The following KAZN variants were observed in gnomAD, a reference collection of about 807,000 sequenced individuals.
KAZN encodes the protein kazrin, periplakin interacting protein.
KAZN carries 40 observed loss-of-function variants against 87.4 expected under a neutral mutation model. The ratio of observed to expected loss-of-function variants is 0.46; its 90% CI spans 0.36 to 0.60. The LOEUF is 0.60. KAZN is among the 20% of genes least tolerant of loss of function. The pLI, the probability that KAZN is intolerant of heterozygous loss-of-function variation, is 0.00. For synonymous variants in KAZN, 466 were observed against 458.3 expected, an observed-to-expected ratio of 1.02 and a Z score of -0.22; for missense variants, 898 against 1,073.9, an observed-to-expected ratio of 0.84 and a Z score of 2.29.
chr1:14,405,606 ATGTGTGTGTGTG>A (rs111850452), intron 2 of KAZN, among the ~76,000 whole-genome samples: 78 of 136,326 alleles, frequency 5.7e-4, no homozygotes, highest in East Asian at 4.6e-3. Flanking sequence ...ACCCAATAAA[ATGTGTGTGTGTG>A]TGTGTGTGTG....
chr1:15,113,523 T>C (rs548341065), intron 14 of KAZN: 1 of 152,350 alleles, frequency 6.6e-6, no homozygotes, highest in African/African-American at 2.4e-5. Flanking sequence ...CTAATGTGAC[T>C]ACTTTAACAC....
intron 2 of KAZN, among the ~76,000 whole-genome samples, chr1:14,566,618 A>G (rs1674565043): frequency 6.6e-6 from 1 of 152,264 alleles, no homozygotes; most frequent in Non-Finnish European, 1.5e-5. Flanking sequence ...TTTCATCTAC[A>G]CTGAAAATCT....
At chr1:14,430,502 T>C (rs72870870) in intron 2 of KAZN, among the ~76,000 whole-genome samples, 345 of 152,350 alleles carry the variant, frequency 2.3e-3, no homozygotes, top group African/African-American at 8.1e-3. Context: ...ACATCTTTTA[T>C]GCACGATATG....
intron 2 of KAZN, among the ~76,000 whole-genome samples, chr1:14,208,687 T>C (rs1646792467): frequency 6.6e-6 from 1 of 152,218 alleles, no homozygotes; most frequent in Non-Finnish European, 1.5e-5. Flanking sequence ...ATCCTGAGAA[T>C]AATGCTGCAG....
At chr1:14,945,034 C>T (rs968246911) in intron 1 of KAZN, among the ~76,000 whole-genome samples, 3 of 152,200 alleles carry the variant, frequency 2.0e-5, no homozygotes, top group Admixed American at 6.5e-5. Context: ...CCAGGCTGCA[C>T]GGAGGCTCAT....
intron 2 of KAZN, among the ~76,000 whole-genome samples, chr1:14,965,012 T>C (rs1226431206): frequency 6.6e-6 from 1 of 152,028 alleles, no homozygotes. Context: ...AATGATTGTT[T>C]AAGACATATA....
chr1:15,112,363 GTGTGTGTGTGTCT>G (rs1641665761), intron 13 of KAZN, 51 bp from the exon 14 acceptor site: 2 of 731,312 alleles, frequency 2.7e-6, no homozygotes, highest in African/African-American at 3.8e-5. Flanking sequence ...GTGTGTGTGT[GTGTGTGTGTGTCT>G]GGGGAGCTGA....
At chr1:14,137,550 T>C (rs1645134158) in intron 1 of KAZN, among the ~76,000 whole-genome samples, 1 of 152,168 alleles carries the variant, frequency 6.6e-6, no homozygotes, top group Non-Finnish European at 1.5e-5. Context: ...GGCAAGTTGC[T>C]TAAACCTCTG....
chr1:14,459,176 C>A (rs1488585077), intron 2 of KAZN, among the ~76,000 whole-genome samples: 1 of 152,068 alleles, frequency 6.6e-6, no homozygotes, highest in East Asian at 1.9e-4. Flanking sequence ...TCTTCATATA[C>A]TTTGCCATTT....
chr1:15,103,371 C>G lies in KAZN; in HGVS notation c.1792C>G (p.Arg598Gly). The change falls in exon 12 of 15, where the codon CGC becomes GGC. Residue 598 changes from arginine to glycine, a missense_variant. This residue lies in a region of KAZN where 521 missense variants were observed against 689.4 expected (regional missense o/e 0.76). Coordinates refer to ENST00000376030, the MANE Select transcript of KAZN (RefSeq NM_201628.3). Reference protein sequence around the residue: ...VNFSREALQERRARCETQNID... With the variant: ...VNFSREALQEGRARCETQNID... The stretch of plus-strand genomic sequence containing the variant: ...GTCTCCCCACAAGGCCCTCCAGGAG[C>G]GCCGGGCCCGCTGCGAGACGCAGAA... 1 of 1,551,446 alleles carries G rather than the reference C, an allele frequency of 6.4e-7. No homozygotes were observed. The highest frequency in any genetic ancestry group is 8.7e-7 in the Non-Finnish European group (1 of 1,146,916).
At chr1:14,252,913 A>G (rs1650177569) in intron 2 of KAZN, among the ~76,000 whole-genome samples, 1 of 152,128 alleles carries the variant, frequency 6.6e-6, no homozygotes, top group Non-Finnish European at 1.5e-5. Context: ...CTAGGCCCTC[A>G]GGGTGTACCA....
intron 1 of KAZN, among the ~76,000 whole-genome samples, chr1:14,648,425 C>T (rs903536605): frequency 2.6e-5 from 4 of 152,066 alleles, no homozygotes; most frequent in Admixed American, 1.3e-4. Context: ...TAGTGAGCAT[C>T]GATTCTTTGA....
chr1:14,686,680 C>T (rs568236745), intron 1 of KAZN, among the ~76,000 whole-genome samples: 2 of 152,312 alleles, frequency 1.3e-5, no homozygotes, highest in African/African-American at 4.8e-5. Context: ...TCGGGTGTAG[C>T]GGGAAGCCCA....
At chr1:14,963,788 A>G (rs1023084053) in intron 2 of KAZN, among the ~76,000 whole-genome samples, 1 of 150,972 alleles carries the variant, frequency 6.6e-6, no homozygotes, top group Non-Finnish European at 1.5e-5. Flanking sequence ...CTTGCCCCCT[A>G]CTGCCCAACA....
chr1:14,974,144 G>T (rs972339894), intron 2 of KAZN, among the ~76,000 whole-genome samples: 7 of 151,554 alleles, frequency 4.6e-5, no homozygotes, highest in African/African-American at 1.7e-4. Context: ...GTACATGGAT[G>T]CTAAGGGCTC....
intron 2 of KAZN, among the ~76,000 whole-genome samples, chr1:14,972,704 G>A (rs368817411): frequency 2.0e-5 from 3 of 151,812 alleles, no homozygotes; most frequent in South Asian, 2.1e-4. Context: ...TAGTAGAGAC[G>A]GGGTTTCACC....
intron 4 of KAZN, among the ~76,000 whole-genome samples, chr1:15,049,017 C>T (rs1425813621): frequency 6.6e-6 from 1 of 152,232 alleles, no homozygotes; most frequent in African/African-American, 2.4e-5. Flanking sequence ...TCTTCATGCG[C>T]AGTCACTCCA....
At chr1:14,039,779 G>A (rs979901414) in intron 1 of KAZN, among the ~76,000 whole-genome samples, 4 of 152,152 alleles carry the variant, frequency 2.6e-5, no homozygotes, top group Non-Finnish European at 5.9e-5. Context: ...AGTATGCTGG[G>A]CGACCTCTCC....
At chr1:14,644,355 G>GA (rs1557860156) in intron 1 of KAZN, among the ~76,000 whole-genome samples, 2 of 136,498 alleles carry the variant, frequency 1.5e-5, no homozygotes, top group African/African-American at 2.7e-5. Context: ...TTGTAAATTT[G>GA]TTTTTTTTTT....
Sources: allele counts gnomAD v4.1 joint callset (sites outside exome capture counted in the v4.1 genomes callset), GRCh38; gene constraint gnomAD v4.1.1; regional missense constraint gnomAD v4.1.1; transcripts MANE v1.5; gene names NCBI Gene and HGNC (gene_info 2026-07-23, HGNC 2026-07-21).